Variants in TYW1B observed in about 807,000 individuals in gnomAD.
TYW1B encodes the protein S-adenosyl-L-methionine-dependent tRNA 4-demethylwyosine synthase TYW1B.
Under a neutral mutation model 86.9 loss-of-function variants are expected in TYW1B, and 73 were observed. The ratio of observed to expected loss-of-function variants is 0.84; its 90% confidence interval spans 0.70 to 1.02. The LOEUF (loss-of-function observed/expected upper bound fraction) is 1.02. TYW1B is among the 50% of genes least tolerant of loss of function. The pLI, the probability that TYW1B is intolerant of heterozygous loss-of-function variation, is 0.00. For synonymous variants in TYW1B, 248 were observed against 292.8 expected (o/e 0.85, Z 1.56); for missense variants, 637 against 827.4 (o/e 0.77, Z 2.82).
intron 11 of TYW1B, among the ~76,000 whole-genome samples, chr7:72,640,080 CAAT>C (rs1171775606): frequency 1.3e-5 from 2 of 150,334 alleles, no homozygotes; most frequent in South Asian, 2.1e-4. Flanking sequence ...ACTAAAAGAA[CAAT>C]AATAAAAAAA....
intron 6 of TYW1B, among the ~76,000 whole-genome samples, chr7:72,798,029 A>G (rs1222834344): frequency 2.5e-5 from 3 of 119,560 alleles, no homozygotes; most frequent in African/African-American, 9.1e-5. Context: ...ACACACACAC[A>G]CACACACACG....
chr7:72,645,003 A>G (rs1388358005), intron 11 of TYW1B, among the ~76,000 whole-genome samples: 6 of 151,888 alleles, frequency 4.0e-5, no homozygotes, highest in African/African-American at 1.4e-4. Flanking sequence ...AATTTTTTGT[A>G]TTTTTAGTAG....
chr7:72,590,416 C>T (rs1457710171), intron 13 of TYW1B, among the ~76,000 whole-genome samples: 1 of 152,218 alleles, frequency 6.6e-6, no homozygotes, highest in Non-Finnish European at 1.5e-5. Flanking sequence ...CCAAGCCCCT[C>T]CCCATCTAGC....
intron 2 of TYW1B, among the ~76,000 whole-genome samples, chr7:72,823,858 T>C (rs1554480993): frequency 6.6e-6 from 1 of 152,150 alleles, no homozygotes; most frequent in African/African-American, 2.4e-5. Context: ...GAACTAAAAA[T>C]AGAAATAGTT....
chr7:72,699,703 G>A (rs1489160737), intron 10 of TYW1B, among the ~76,000 whole-genome samples: 2 of 151,508 alleles, frequency 1.3e-5, no homozygotes, highest in Non-Finnish European at 2.9e-5. Flanking sequence ...AGGCTGGAGT[G>A]CAGGGGCGTG....
intron 11 of TYW1B, among the ~76,000 whole-genome samples, chr7:72,657,181 G>C (rs1554443783): frequency 6.6e-6 from 1 of 152,048 alleles, no homozygotes; most frequent in East Asian, 1.9e-4. Context: ...AGAAATCTTG[G>C]AACAGAAGAA....
intron 11 of TYW1B, among the ~76,000 whole-genome samples, chr7:72,667,496 C>T (rs1269299670): frequency 9.9e-5 from 15 of 152,256 alleles, no homozygotes; most frequent in Non-Finnish European, 1.2e-4. Flanking sequence ...GGGCAGATAG[C>T]TTCAGCTCAG....
At chr7:72,606,390 C>T (rs138458057) in intron 13 of TYW1B, among the ~76,000 whole-genome samples, 5,503 of 151,448 alleles carry the variant, frequency 0.036, 128 homozygotes, top group African/African-American at 0.063. Flanking sequence ...CGAGGCACCC[C>T]TCTTGACTCC....
rs138304885 is a variant in TYW1B, at chr7:72,716,631, C to CTGTTGTTGTTGTTGT, written c.1193-2848_1193-2834dup. On this transcript the variant is annotated intron_variant, in intron 9 of 13. Transcript: ENST00000620995. ...AGTGAACGAGACATAGGGGCTGTGG[C>CTGTTGTTGTTGTTGT]TGTTGTTGTTGTTGTTGTTGTTTTT... Among the ~76,000 whole-genome samples, 987 of 149,180 alleles carry CTGTTGTTGTTGTTGT rather than the reference C, an allele frequency of 6.6e-3. 16 individuals are homozygous for CTGTTGTTGTTGTTGT. Among genetic ancestry groups the CTGTTGTTGTTGTTGT allele is most frequent in the African/African-American group, 0.024 (962 of 40,436 alleles).
intron 11 of TYW1B, among the ~76,000 whole-genome samples, chr7:72,649,513 G>C (rs1813010298): frequency 6.6e-6 from 1 of 152,158 alleles, no homozygotes; most frequent in Non-Finnish European, 1.5e-5. Context: ...GTACTGACTT[G>C]GATGTCCGAG....
intron 13 of TYW1B, among the ~76,000 whole-genome samples, chr7:72,612,869 C>T (rs1171708016): frequency 2.6e-5 from 4 of 151,962 alleles, no homozygotes; most frequent in African/African-American, 7.3e-5. Context: ...TCCACCTTAG[C>T]CCCCTAAGTA....
At chr7:72,591,380 C>A (rs1811391187) in intron 13 of TYW1B, among the ~76,000 whole-genome samples, 1 of 152,048 alleles carries the variant, frequency 6.6e-6, no homozygotes, top group Admixed American at 6.5e-5. Context: ...AAAAGACACA[C>A]ACCAAGACAC....
chr7:72,806,917 T>C (rs1554476781), intron 5 of TYW1B, 149 bp downstream of exon 5: 14 of 1,179,708 alleles, frequency 1.2e-5, no homozygotes, highest in Admixed American at 2.8e-5. Flanking sequence ...CCTCCCAAAG[T>C]GTGGGGATTA....
chr7:72,658,269 G>C lies in TYW1B; in HGVS notation c.1507-29272C>G, dbSNP rs185473318. ...CCGTCTCAATAAAAAAAAAAAAAAA[G>C]AAAGTCATTAAAATGAATGACATAT... On this transcript the variant is annotated intron_variant, in intron 11 of 13. Transcript: ENST00000620995. Among the ~76,000 whole-genome samples, 3 of 147,440 alleles carry C rather than the reference G, an allele frequency of 2.0e-5. 1 individual carries two copies. The highest frequency in any genetic ancestry group is 4.5e-5 in the Non-Finnish European group (3 of 66,398).
At chr7:72,647,664 A>G (rs1812961243) in intron 11 of TYW1B, among the ~76,000 whole-genome samples, 2 of 152,042 alleles carry the variant, frequency 1.3e-5, no homozygotes, top group South Asian at 4.2e-4. Context: ...TAACTGTTTT[A>G]GAGGAGTATT....
intron 13 of TYW1B, among the ~76,000 whole-genome samples, chr7:72,597,974 A>T (rs1252370528): frequency 6.6e-6 from 1 of 152,188 alleles, no homozygotes; most frequent in East Asian, 1.9e-4. Context: ...AAGGAAAAAG[A>T]ACAGATTAAT....
chr7:72,771,313 G>C (rs1554469561), intron 7 of TYW1B, among the ~76,000 whole-genome samples: 1 of 152,066 alleles, frequency 6.6e-6, no homozygotes, highest in Non-Finnish European at 1.5e-5. Context: ...ATAGCAATTA[G>C]AACAAGAATT....
intron 13 of TYW1B, among the ~76,000 whole-genome samples, chr7:72,601,154 A>T (rs1254078605): frequency 1.8e-4 from 27 of 152,092 alleles, no homozygotes; most frequent in Middle Eastern, 6.8e-3. Context: ...AATATAAAAA[A>T]AAAAAATAAA....
chr7:72,711,633 C>CTTATTA lies in TYW1B; in HGVS notation c.1370+1982_1370+1987dup, dbSNP rs1301191140. 5.3e-4 allele frequency among the ~76,000 whole-genome samples: 80 copies of CTTATTA among 150,512 alleles called. 1 individual carries two copies. The highest frequency in any genetic ancestry group is 1.8e-3 in the African/African-American group (76 of 41,108). ...TACAGACAACTGCCACCATGCCTGGCTTATTATTATTATTATTATTTGTAT... is the reference window on the plus strand; with the variant it reads ...TACAGACAACTGCCACCATGCCTGGCTTATTATTATTATTATTATTATTATTTGTAT... On this transcript the variant is annotated intron_variant, in intron 10 of 13. Coordinates refer to ENST00000620995, the MANE Select transcript of TYW1B (RefSeq NM_001145440.3).
Sources: gnomAD v4.1 joint callset for allele counts (sites outside exome capture counted in the v4.1 genomes callset) on GRCh38, gnomAD v4.1.1 for gene constraint, MANE v1.5 for transcripts, NCBI Gene and HGNC (gene_info 2026-07-23, HGNC 2026-07-21) for gene names.